Variants in COL5A2 observed in about 807,000 individuals in gnomAD.
COL5A2 encodes the protein collagen type V alpha 2 chain, also known as collagen alpha-2(V) chain.
A neutral mutation model predicts 208.2 loss-of-function variants in COL5A2; 23 were observed. The observed-to-expected ratio is 0.11, with a 90% CI of 0.08 to 0.16. COL5A2 has a LOEUF of 0.16. COL5A2 is among the 10% of genes least tolerant of loss of function. COL5A2 has a pLI of 1.00. For missense variants in COL5A2, 1,590 were observed against 1,956.4 expected (o/e 0.81, Z 3.53); for synonymous variants, 625 against 628.5 (o/e 0.99, Z 0.08).
the COL5A2 span, among the ~76,000 whole-genome samples, chr2:189,340,352 G>A: frequency 6.6e-6 from 1 of 152,176 alleles, no homozygotes; most frequent in Non-Finnish European, 1.5e-5. Context: ...AGATGGGATT[G>A]GAGGTGGGCA....
At chr2:189,066,562 C>G (rs1359284037) in intron 22 of COL5A2, 65 bp from the exon 23 acceptor site, 2 of 1,525,712 alleles carry the variant, frequency 1.3e-6, no homozygotes, top group South Asian at 1.1e-5. Flanking sequence ...AGTTGGAAGC[C>G]TAATTTAACG....
chr2:189,058,692 C>T (rs867497037), intron 32 of COL5A2, among the ~76,000 whole-genome samples, 157 bp downstream of exon 32: 1 of 152,076 alleles, frequency 6.6e-6, no homozygotes, highest in East Asian at 1.9e-4. Flanking sequence ...TAAGGATATG[C>T]TAGTTTCATA....
the COL5A2 span, among the ~76,000 whole-genome samples, chr2:189,341,968 T>G: frequency 6.6e-6 from 1 of 152,144 alleles, no homozygotes; most frequent in Admixed American, 6.5e-5. Context: ...GAAAAAGATC[T>G]GAAACTAACT....
intron 1 of COL5A2, among the ~76,000 whole-genome samples, chr2:189,224,447 G>T (rs1417692320): frequency 6.6e-6 from 1 of 152,118 alleles, no homozygotes; most frequent in African/African-American, 2.4e-5. Flanking sequence ...CCAGTACCTT[G>T]GGAGGCTGAG....
At chr2:189,107,474 T>C (rs973858680) in intron 2 of COL5A2, among the ~76,000 whole-genome samples, 1 of 151,480 alleles carries the variant, frequency 6.6e-6, no homozygotes, top group Non-Finnish European at 1.5e-5. Flanking sequence ...TATGGGACCA[T>C]GTTTTGGATT....
the COL5A2 span, among the ~76,000 whole-genome samples, chr2:189,303,505 T>C: frequency 6.6e-6 from 1 of 152,132 alleles, no homozygotes; most frequent in Non-Finnish European, 1.5e-5. Flanking sequence ...TGACTAATAT[T>C]CCATACTAAA....
chr2:189,078,189 AT>A (rs1180918746), intron 16 of COL5A2, among the ~76,000 whole-genome samples: 1 of 152,148 alleles, frequency 6.6e-6, no homozygotes, highest in Non-Finnish European at 1.5e-5. Flanking sequence ...TTGTAATTTC[AT>A]TAGTATATCC....
intron 1 of COL5A2, among the ~76,000 whole-genome samples, chr2:189,110,817 G>A (rs957571973): frequency 2.6e-5 from 4 of 152,066 alleles, no homozygotes; most frequent in Non-Finnish European, 5.9e-5. Context: ...TAGCTCAAAG[G>A]AGAATATAAA....
chr2:189,379,458 A>G, the COL5A2 span, among the ~76,000 whole-genome samples: 1 of 152,158 alleles, frequency 6.6e-6, no homozygotes, highest in Non-Finnish European at 1.5e-5. Context: ...GCTGATTGCT[A>G]AACTGACAGG....
Position 189,036,770 on chromosome 2 carries a change from A to G in COL5A2, c.3959T>C (p.Val1320Ala). ...EYWIDPNQGS[V>A]EDAIKVYCNM... ...GCAGTAAACTTTGATTGCATCTTCA[A>G]CAGATCCTTGGTTAGGATCAATCCA... The change falls in exon 52 of 54, where the codon GTT (valine) becomes GCT (alanine). Residue 1320 changes from valine to alanine, a missense_variant. Val to Ala is a moderately conservative substitution (Grantham distance 64). Transcript: ENST00000374866. 2 of 1,613,524 alleles carry G rather than the reference A, an allele frequency of 1.2e-6. No individual in the cohort carries two copies. The highest frequency in any genetic ancestry group is 2.2e-5 in the South Asian group (2 of 91,026).
At chr2:189,291,903 C>A in the COL5A2 span, among the ~76,000 whole-genome samples, 1 of 151,938 alleles carries the variant, frequency 6.6e-6, no homozygotes, top group Admixed American at 6.6e-5. Flanking sequence ...TCTATAGAAA[C>A]CTATATGGAT....
At chr2:189,106,950 A>G (rs1387470605) in intron 2 of COL5A2, among the ~76,000 whole-genome samples, 3 of 151,336 alleles carry the variant, frequency 2.0e-5, no homozygotes. Flanking sequence ...ATGAATAATT[A>G]CTCTCTTAAT....
At chr2:189,326,174 A>C in the COL5A2 span, among the ~76,000 whole-genome samples, 37 of 152,274 alleles carry the variant, frequency 2.4e-4, no homozygotes, top group Middle Eastern at 3.4e-3. Flanking sequence ...CAGCATATTC[A>C]ATCCATTGTG....
chr2:189,304,390 C>T, the COL5A2 span, among the ~76,000 whole-genome samples: 2 of 152,074 alleles, frequency 1.3e-5, no homozygotes, highest in Non-Finnish European at 2.9e-5. Flanking sequence ...TAAAGAAATA[C>T]CTGAGTCCAG....
chr2:189,139,077 T>G (rs1687882062), intron 1 of COL5A2, among the ~76,000 whole-genome samples: 1 of 152,060 alleles, frequency 6.6e-6, no homozygotes, highest in Non-Finnish European at 1.5e-5. Flanking sequence ...AAATTTACAG[T>G]GAAGACACAG....
Position 189,051,341 on chromosome 2 carries a change from G to C in COL5A2, c.2910C>G (p.Asp970Glu), listed in dbSNP as rs1195104445. ...TTACAGGTTGCCCATCTTCTCCTGG[G>C]TCCCCTTTGTCTCCTGGGCCACCAG... is the stretch of plus-strand genomic sequence containing the variant. ...GPPGGPGDKG[D>E]PGEDGQPGPD... is the part of the protein sequence containing the mutation. Residue 970 changes from aspartate to glutamate, a missense_variant, in exon 42 of 54, where the codon GAC becomes GAG. Coordinates refer to ENST00000374866, the MANE Select transcript of COL5A2 (RefSeq NM_000393.5). 6.2e-7 allele frequency: 1 copy of C among 1,613,764 alleles called. No homozygotes were observed. The highest frequency in any genetic ancestry group is 8.5e-7 in the Non-Finnish European group (1 of 1,179,936).
intron 1 of COL5A2, among the ~76,000 whole-genome samples, chr2:189,158,427 C>T (rs1350678176): frequency 1.3e-5 from 2 of 151,904 alleles, no homozygotes; most frequent in East Asian, 3.8e-4. Context: ...AGGTCCCTAA[C>T]ATTAAGAAAC....
chr2:189,061,631 G>T lies in COL5A2; in HGVS notation c.1978-16C>A. ...CAGCTAGACCCTAAGTTGTGAAGGA[G>T]AAAATAATTGTGAATATAACCAGAT... On this transcript the variant is annotated splice_polypyrimidine_tract_variant and intron_variant, in intron 29 of 53. Transcript: ENST00000374866. The T allele has an allele frequency of 6.3e-7, 1 of 1,599,810 alleles. No individual in the cohort carries two copies. The highest frequency in any genetic ancestry group is 8.6e-7 in the Non-Finnish European group (1 of 1,167,196).
chr2:189,320,043 C>A, the COL5A2 span, among the ~76,000 whole-genome samples: 1 of 152,224 alleles, frequency 6.6e-6, no homozygotes, highest in Non-Finnish European at 1.5e-5. Flanking sequence ...CTGCTGATAT[C>A]CAGGCAAACA....
Sources: gnomAD v4.1 joint callset for allele counts (sites outside exome capture counted in the v4.1 genomes callset) on GRCh38, gnomAD v4.1.1 for gene constraint, MANE v1.5 for transcripts, NCBI Gene and HGNC (gene_info 2026-07-23, HGNC 2026-07-21) for gene names.